Variants in FBXL3 observed in about 807,000 individuals in gnomAD.
The protein encoded by FBXL3 is F-box/LRR-repeat protein 3.
Under a neutral mutation model 37.9 loss-of-function variants are expected in FBXL3, and 14 were observed. The observed-to-expected ratio is 0.37, with a 90% CI of 0.24 to 0.58. FBXL3 has a LOEUF of 0.58. Among genes scored for constraint, FBXL3 ranks in the 20% least tolerant of loss-of-function variants. FBXL3 has a pLI of 0.74. For missense variants in FBXL3, 327 were observed against 511.1 expected (o/e 0.64, Z 3.47); for synonymous variants, 194 against 180.1 (o/e 1.08, Z -0.62).
chr13:77,024,025 A>G (rs2034794896), intron 1 of FBXL3, among the ~76,000 whole-genome samples: 1 of 152,212 alleles, frequency 6.6e-6, no homozygotes, highest in Non-Finnish European at 1.5e-5. Flanking sequence ...TACCCTACTG[A>G]TCAGGGAGAG....
At chr13:77,025,763 C>CACA (rs2034827458) in intron 1 of FBXL3, among the ~76,000 whole-genome samples, 1 of 151,366 alleles carries the variant, frequency 6.6e-6, no homozygotes, top group African/African-American at 2.4e-5. Flanking sequence ...AACAGCTAGC[C>CACA]GTGTGCATCG....
rs1477046800 is a variant in FBXL3 at position 77,026,876 on chromosome 13, G to T, written c.-51C>A. The T allele has an allele frequency of 6.6e-6, 1 of 151,374 alleles. No individual in the cohort carries two copies. Among genetic ancestry groups the T allele is most frequent in the Non-Finnish European group, 1.5e-5 (1 of 67,854 alleles). 9.4% of individuals were successfully genotyped at this position (151,374 alleles called of 1,614,324 possible). On this transcript the variant is annotated 5_prime_UTR_variant, in exon 1 of 5. Coordinates refer to ENST00000355619, the MANE Select transcript of FBXL3 (RefSeq NM_012158.4). ...ACACACCACCCCGTGCTCCGGGGAC[G>T]GCGGCGGCTGCAGGTCCCGCGGCTC...
At chr13:77,023,561 T>G (rs1321550266) in intron 1 of FBXL3, among the ~76,000 whole-genome samples, 1 of 152,180 alleles carries the variant, frequency 6.6e-6, no homozygotes, top group Non-Finnish European at 1.5e-5. Flanking sequence ...TAATCGGACT[T>G]TTTGGAAAAG....
chr13:77,026,661 G>GCCGCGCC (rs1329493201), intron 1 of FBXL3, 166 bp downstream of exon 1: 3 of 151,628 alleles, frequency 2.0e-5, no homozygotes, highest in African/African-American at 7.3e-5. Flanking sequence ...AGGTCTGGGT[G>GCCGCGCC]CCGCGCCCCG....
rs1310329002 is a variant in FBXL3, at chr13:77,005,377, T to C, written c.*1768A>G. 1.3e-5 allele frequency: 2 copies of C among 152,600 alleles called. No homozygotes were observed. The highest frequency in any genetic ancestry group is 1.9e-4 in the East Asian group (1 of 5,198). The allele number at this position is 152,600 out of a possible 1,614,324, so 9.5% of individuals were successfully genotyped here. A position where few individuals can be genotyped will look rare whatever the true frequency, so the allele number is the denominator to read the frequency against. ...AAGTGACAAAGTATTTTAAGCATTA[T>C]ATAATTCAATTTGTACAAAAAGTAA... On this transcript the variant is annotated 3_prime_UTR_variant, in exon 5 of 5. Transcript: ENST00000355619.
At chr13:77,008,226 A>G (rs2034486873) in intron 4 of FBXL3, among the ~76,000 whole-genome samples, 1 of 152,260 alleles carries the variant, frequency 6.6e-6, no homozygotes, top group Non-Finnish European at 1.5e-5. Context: ...AGTAAGATAG[A>G]ACCATATAAA....
chr13:77,021,125 C>A (rs2034735088), intron 2 of FBXL3, among the ~76,000 whole-genome samples: 1 of 152,112 alleles, frequency 6.6e-6, no homozygotes, highest in African/African-American at 2.4e-5. Context: ...TTCAAAAAGC[C>A]ATCAGTAAGT....
intron 1 of FBXL3, among the ~76,000 whole-genome samples, chr13:77,025,796 G>A (rs1024914469): frequency 6.6e-6 from 1 of 151,664 alleles, no homozygotes; most frequent in Non-Finnish European, 1.5e-5. Flanking sequence ...CTTTTACACT[G>A]GGCATGCAAT....
chr13:77,014,529 G>C (rs1326739560), intron 4 of FBXL3: 1 of 152,230 alleles, frequency 6.6e-6, no homozygotes, highest in East Asian at 1.9e-4. Context: ...TCTCCTGTGG[G>C]AGAAAAGAGA....
chr13:77,012,020 T>G (rs1205056422), intron 4 of FBXL3, among the ~76,000 whole-genome samples: 65 of 152,208 alleles, frequency 4.3e-4, no homozygotes, highest in Non-Finnish European at 2.9e-5. Context: ...AAAGGTAGAT[T>G]TCCATTTATA....
intron 1 of FBXL3, among the ~76,000 whole-genome samples, chr13:77,022,796 G>A (rs2034768627): frequency 1.3e-5 from 2 of 152,144 alleles, no homozygotes; most frequent in South Asian, 4.1e-4. Flanking sequence ...TTCTTTGAAA[G>A]ATAGTTTTTT....
intron 1 of FBXL3, chr13:77,026,201 G>A: frequency 2.0e-6 from 2 of 985,356 alleles, no homozygotes; most frequent in Non-Finnish European, 2.4e-6. Context: ...ACCATTTACT[G>A]GGCTGCTTCC....
chr13:77,013,700 G>T (rs1459450952), intron 4 of FBXL3: 1 of 152,124 alleles, frequency 6.6e-6, no homozygotes, highest in East Asian at 1.9e-4. Flanking sequence ...AAATGCTCGG[G>T]AAGACTGATT....
At chr13:77,024,934 G>A (rs1248593324) in intron 1 of FBXL3, among the ~76,000 whole-genome samples, 1 of 152,146 alleles carries the variant, frequency 6.6e-6, no homozygotes, top group Non-Finnish European at 1.5e-5. Flanking sequence ...AATAACAGAA[G>A]TGAGTGGACA....
chr13:77,026,729 C>T (rs1450020078), intron 1 of FBXL3, 98 bp downstream of exon 1: 2 of 127,522 alleles, frequency 1.6e-5, no homozygotes, highest in Non-Finnish European at 3.3e-5. Context: ...CCGCGCCCCC[C>T]CCCACCCCAC....
intron 2 of FBXL3, 134 bp from the exon 3 acceptor site, chr13:77,018,856 C>A: frequency 1.5e-6 from 1 of 683,240 alleles, no homozygotes; most frequent in Non-Finnish European, 2.1e-6. Context: ...ATAGAAGTAT[C>A]ATTACTAGTT....
At chr13:77,021,892 T>C (rs748609237) in intron 1 of FBXL3, 31 bp from the exon 2 acceptor site, 1 of 1,524,288 alleles carries the variant, frequency 6.6e-7, no homozygotes, top group Admixed American at 2.0e-5. Context: ...GTTTTTTTCC[T>C]ACTCAACTTT....
chr13:77,011,471 C>A (rs1296501935), intron 4 of FBXL3, among the ~76,000 whole-genome samples: 1 of 152,018 alleles, frequency 6.6e-6, no homozygotes, highest in East Asian at 1.9e-4. Context: ...CCTATAATCC[C>A]AGCACTTTGG....
chr13:77,026,110 A>G, intron 1 of FBXL3: 1 of 919,574 alleles, frequency 1.1e-6, no homozygotes, highest in Non-Finnish European at 1.3e-6. Flanking sequence ...TCTAATTAAA[A>G]AATCTGGGTC....
Sources: allele counts gnomAD v4.1 joint callset (sites outside exome capture counted in the v4.1 genomes callset), GRCh38; gene constraint gnomAD v4.1.1; transcripts MANE v1.5; gene names NCBI Gene and HGNC (gene_info 2026-07-23, HGNC 2026-07-21).